The following NFXL1 variants were observed in gnomAD, a reference collection of about 807,000 sequenced individuals.
The protein encoded by NFXL1 is NF-X1-type zinc finger protein NFXL1.
Under a neutral mutation model 123.3 loss-of-function variants are expected in NFXL1, and 66 were observed. That is an observed-to-expected ratio of 0.54 (90% CI 0.44 to 0.66). The LOEUF (loss-of-function observed/expected upper bound fraction) is 0.66. Ranked by LOEUF, NFXL1 falls within the 30% of genes least tolerant of loss-of-function variation. The pLI is 0.00. For missense variants in NFXL1, 944 were observed against 1,125.6 expected, an observed-to-expected ratio of 0.84 and a Z score of 2.31; for synonymous variants, 346 against 360.8, an observed-to-expected ratio of 0.96 and a Z score of 0.46.
At chr4:47,897,922 T>C (rs1737179634) in intron 9 of NFXL1, 45 bp downstream of exon 9, 1 of 1,228,976 alleles carries the variant, frequency 8.1e-7, no homozygotes, top group South Asian at 1.4e-5. Context: ...TTTCATGGCT[T>C]GACAGATCAT....
intron 15 of NFXL1, among the ~76,000 whole-genome samples, chr4:47,880,761 G>A (rs903472338): frequency 3.4e-5 from 5 of 147,342 alleles, no homozygotes; most frequent in Non-Finnish European, 6.0e-5. Context: ...TTCTTTTGGG[G>A]TGCCACAAAC....
intron 12 of NFXL1, among the ~76,000 whole-genome samples, chr4:47,887,195 A>G (rs1413808346): frequency 6.6e-6 from 1 of 152,206 alleles, no homozygotes; most frequent in Non-Finnish European, 1.5e-5. Flanking sequence ...TAGTTTTCCC[A>G]GTAAGGAACT....
At chr4:47,907,559 T>C (rs141522504) in intron 3 of NFXL1, among the ~76,000 whole-genome samples, 36 of 152,294 alleles carry the variant, frequency 2.4e-4, no homozygotes, top group African/African-American at 8.4e-4. Flanking sequence ...TTCACTAATG[T>C]TAAGGTGGGA....
chr4:47,877,200 CA>C, intron 17 of NFXL1: 1 of 457,650 alleles, frequency 2.2e-6, no homozygotes, highest in Non-Finnish European at 4.4e-6. Context: ...ATCTGCAAAA[CA>C]AAGAGTATAC....
In NFXL1 at chr4:47,890,692, T is replaced by C; in HGVS notation, c.1464A>G (p.Gly488=). 6.2e-7 allele frequency: 1 copy of C among 1,605,644 alleles called. No individual in the cohort carries two copies. The highest frequency in any genetic ancestry group is 8.5e-7 in the Non-Finnish European group (1 of 1,172,682). The change falls in exon 12 of 23, where the codon GGA becomes GGG. Residue 488 remains glycine (G), a synonymous_variant. Transcript: ENST00000507489. ...AGTTTTGATCACAAGGTGGACAGTT[T>C]CCAGGGCAACACTGAAGAGAAAGCA... ...KHQCRRKCCP[G]NCPPCDQNCG... is the part of the protein sequence containing the mutation.
intron 20 of NFXL1, chr4:47,852,237 A>G (rs1433619886): frequency 1.7e-5 from 5 of 288,802 alleles, no homozygotes; most frequent in Non-Finnish European, 3.3e-5. Flanking sequence ...ACTTTTCTTT[A>G]TTGTTTGTTA....
rs1737614923 is a variant in NFXL1, at chr4:47,907,435, G to GAA, written c.407-2090_407-2089insTT. On this transcript the variant is annotated intron_variant, in intron 3 of 22. Transcript: ENST00000507489. ...TGGGTCCACGTGCCAGCAAGATAGA[G>GAA]ATACTCATCAGGAAGTTGGCCATGC... Among the ~76,000 whole-genome samples the GAA allele has an allele frequency of 4.6e-5, 7 of 152,334 alleles. No homozygotes were observed. The South Asian group carries it at 1.4e-3, about 32-fold the overall frequency.
chr4:47,912,906 G>C (rs1187506958), intron 2 of NFXL1, among the ~76,000 whole-genome samples: 69 of 148,570 alleles, frequency 4.6e-4, no homozygotes, highest in African/African-American at 1.6e-3. Flanking sequence ...CCAGCTACTC[G>C]GGAGGCTGAG....
chr4:47,898,223 G>A, intron 8 of NFXL1, 142 bp from the exon 9 acceptor site: 1 of 591,714 alleles, frequency 1.7e-6, no homozygotes, highest in Non-Finnish European at 3.0e-6. Flanking sequence ...ATTTTATACA[G>A]GTGTCATACA....
At chr4:47,860,660 GA>G (rs1202968119) in intron 19 of NFXL1, among the ~76,000 whole-genome samples, 2 of 152,208 alleles carry the variant, frequency 1.3e-5, no homozygotes, top group African/African-American at 4.8e-5. Flanking sequence ...CAGTACATCA[GA>G]ATTTACCAGA....
At position 47,879,183 on chromosome 4, in the gene NFXL1, C is replaced by T. The variant is rs183886090; in HGVS notation, c.1917-66G>A. 8.7e-5 allele frequency: 55 copies of T among 630,680 alleles called. No individual in the cohort carries two copies. The Admixed American group carries it at 9.9e-4, about 11-fold the overall frequency. 39.1% of individuals were successfully genotyped at this position (630,680 alleles called of 1,614,324 possible). On this transcript the variant is annotated intron_variant, in intron 15 of 22. Coordinates refer to ENST00000507489, the MANE Select transcript of NFXL1 (RefSeq NM_001278624.2). ...TATTCAAAAATAATACCTAAAGATGCTAACTCTACTAGCATTAAAAAAATA... is the reference window on the plus strand; with the variant it reads ...TATTCAAAAATAATACCTAAAGATGTTAACTCTACTAGCATTAAAAAAATA...
At chr4:47,884,568 T>C (rs766419721) in intron 14 of NFXL1, 131 bp from the exon 15 acceptor site, 1 of 555,998 alleles carries the variant, frequency 1.8e-6, no homozygotes, top group Non-Finnish European at 3.3e-6. Context: ...ATCAATAAAT[T>C]GTGCTTACTG....
At chr4:47,878,720 T>TATA in intron 16 of NFXL1, 55 bp from the exon 17 acceptor site, 1 of 1,310,422 alleles carries the variant, frequency 7.6e-7, no homozygotes, top group Non-Finnish European at 1.0e-6. Flanking sequence ...TTTCTGGACA[T>TATA]ATTATATGTT....
Position 47,847,519 on chromosome 4 carries a change from G to C in NFXL1, c.*644C>G, listed in dbSNP as rs1029106502. 1.3e-5 allele frequency: 2 copies of C among 152,134 alleles called. No homozygotes were observed. The highest frequency in any genetic ancestry group is 2.4e-5 in the African/African-American group (1 of 41,428). The allele number at this position is 152,134 out of a possible 1,614,324, so 9.4% of individuals were successfully genotyped here. On this transcript the variant is annotated 3_prime_UTR_variant, in exon 23 of 23. Coordinates refer to ENST00000507489, the MANE Select transcript of NFXL1 (RefSeq NM_001278624.2). The stretch of plus-strand genomic sequence containing the variant: ...AAGACACGCAAGTTTTACGAAACAT[G>C]CCAACTTCAGTTAAAAGCTTCTTAC...
At chr4:47,876,581 A>G (rs1048346726) in intron 17 of NFXL1, among the ~76,000 whole-genome samples, 7 of 152,166 alleles carry the variant, frequency 4.6e-5, no homozygotes, top group African/African-American at 9.6e-5. Flanking sequence ...GAGCCTTTAC[A>G]GGCCATTGAA....
At chr4:47,886,846 G>A (rs899411900) in intron 12 of NFXL1, among the ~76,000 whole-genome samples, 4 of 152,132 alleles carry the variant, frequency 2.6e-5, no homozygotes, top group Admixed American at 6.5e-5. Context: ...CAATAATATC[G>A]TTGGCCTACT....
At chr4:47,873,427 C>T (rs1735562559) in intron 18 of NFXL1, among the ~76,000 whole-genome samples, 1 of 152,176 alleles carries the variant, frequency 6.6e-6, no homozygotes, top group Non-Finnish European at 1.5e-5. Context: ...TGAAATTACT[C>T]CTTGAACCAT....
intron 11 of NFXL1, among the ~76,000 whole-genome samples, chr4:47,892,928 T>C (rs979005730): frequency 1.3e-5 from 2 of 152,020 alleles, no homozygotes; most frequent in African/African-American, 4.8e-5. Context: ...ACAGAATTAG[T>C]ACACAGGGAT....
Position 47,913,992 on chromosome 4 carries a change from G to C in NFXL1, c.212C>G (p.Ala71Gly), listed in dbSNP as rs542043125. ...ACCGCTGGCTGCGGTAGTCTGCAGGGCTTGGGATCCTGCGGGGCTGTGCCT... is the reference window on the plus strand; with the variant it reads ...ACCGCTGGCTGCGGTAGTCTGCAGGCCTTGGGATCCTGCGGGGCTGTGCCT... ...GSRHSPAGSQ[A>G]LQTTAASELM... Residue 71 changes from alanine (A) to glycine (G), a missense_variant, in exon 2 of 23, where the codon GCC becomes GGC. By Grantham distance (60) the Ala-to-Gly change is moderately conservative. Transcript: ENST00000507489. The C allele has an allele frequency of 6.5e-7, 1 of 1,547,784 alleles. No individual in the cohort carries two copies. Among genetic ancestry groups the C allele is most frequent in the East Asian group, 2.4e-5 (1 of 40,898 alleles).
Sources: gnomAD v4.1 joint callset for allele counts (sites outside exome capture counted in the v4.1 genomes callset) on GRCh38, gnomAD v4.1.1 for gene constraint, MANE v1.5 for transcripts, NCBI Gene and HGNC (gene_info 2026-07-23, HGNC 2026-07-21) for gene names.